Variants in CRISPLD2 observed in about 807,000 individuals in gnomAD.
CRISPLD2 encodes cysteine rich secretory protein LCCL domain containing 2.
Under a neutral mutation model 71.1 loss-of-function variants are expected in CRISPLD2, and 47 were observed. That is an observed-to-expected ratio of 0.66 (90% CI 0.52 to 0.84). CRISPLD2 has a LOEUF of 0.84. Among genes scored for constraint, CRISPLD2 ranks in the 40% least tolerant of loss-of-function variants. CRISPLD2 has a pLI of 0.00. For missense variants in CRISPLD2, 830 were observed against 651.1 expected (o/e 1.27, Z -2.99); for synonymous variants, 317 against 250.1 (o/e 1.27, Z -2.52).
At chr16:84,900,344 G>A (rs2071742330) in intron 14 of CRISPLD2, among the ~76,000 whole-genome samples, 1 of 152,142 alleles carries the variant, frequency 6.6e-6, no homozygotes, top group African/African-American at 2.4e-5. Context: ...GGCTAGTCTG[G>A]CAGTTTCCAA....
At chr16:84,866,467 C>T (rs1037698173) in intron 6 of CRISPLD2, among the ~76,000 whole-genome samples, 2 of 152,150 alleles carry the variant, frequency 1.3e-5, no homozygotes, top group African/African-American at 4.8e-5. Flanking sequence ...AACTCCTGAC[C>T]TCAGGTGATC....
chr16:84,822,740 G>A (rs566024960), intron 1 of CRISPLD2, among the ~76,000 whole-genome samples: 2 of 152,252 alleles, frequency 1.3e-5, no homozygotes, highest in South Asian at 2.1e-4. Context: ...CCTAAAGCAC[G>A]TTGTAAAGTC....
rs562352989 is a variant in CRISPLD2 at position 84,894,749 on chromosome 16, T to C, written c.1439+5386T>C. Among the ~76,000 whole-genome samples, 5 of 152,278 alleles carry C rather than the reference T, an allele frequency of 3.3e-5. 1 individual carries two copies. Among genetic ancestry groups the C allele is most frequent in the African/African-American group, 9.6e-5 (4 of 41,538 alleles). On this transcript the variant is annotated intron_variant, in intron 14 of 14. Coordinates refer to ENST00000262424, the MANE Select transcript of CRISPLD2 (RefSeq NM_031476.4). ...AGAAATAAGAAATTTACATTCTTTT[T>C]TGGGTATAAGGTCTTGGAGATCTGG...
At position 84,849,585 on chromosome 16, in the gene CRISPLD2, G is replaced by A. The variant is rs1917023809; in HGVS notation, c.492+68G>A. ...CCCAGTCATTCACCCCCTGCCCCTG[G>A]GGGATTGTCAAATCTGTAAAGCCTC... On this transcript the variant is annotated intron_variant, in intron 4 of 14. Transcript: ENST00000262424. The A allele has an allele frequency of 2.0e-6, 3 of 1,494,384 alleles. No individual in the cohort carries two copies. The South Asian group carries it at 3.5e-5, about 17-fold the overall frequency. 92.6% of individuals were successfully genotyped at this position (1,494,384 alleles called of 1,614,324 possible). A position where few individuals can be genotyped will look rare whatever the true frequency, so the allele number is the denominator to read the frequency against.
chr16:84,875,414 C>CTTTTTTTTTTTTTTTTTTTTT (rs34028519), intron 11 of CRISPLD2, among the ~76,000 whole-genome samples: 22 of 87,782 alleles, frequency 2.5e-4, no homozygotes, highest in African/African-American at 1.1e-3. Flanking sequence ...TATGCATGGA[C>CTTTTTTTTTTTTTTTTTTTTT]TTTTTTTTTT....
rs371038523 is a variant in CRISPLD2, at chr16:84,845,766, C to T, written c.241-20C>T. 1.9e-5 allele frequency: 29 copies of T among 1,559,006 alleles called. No homozygotes were observed. Among genetic ancestry groups the T allele is most frequent in the African/African-American group, 2.7e-5 (2 of 73,724 alleles). ...TCCCTCACCCTCACCTCCTGGTGCC[C>T]GTTTCTCCTTCTCCTGCAGACCTGG... On this transcript the variant is annotated intron_variant, in intron 2 of 14. Coordinates refer to ENST00000262424, the MANE Select transcript of CRISPLD2 (RefSeq NM_031476.4).
chr16:84,841,509 T>G (rs1237711782), intron 2 of CRISPLD2, among the ~76,000 whole-genome samples: 1 of 151,560 alleles, frequency 6.6e-6, no homozygotes, highest in Non-Finnish European at 1.5e-5. Context: ...CTATGAGGAA[T>G]AGAGTTTTGG....
intron 1 of CRISPLD2, among the ~76,000 whole-genome samples, chr16:84,829,617 G>A (rs759732352): frequency 6.6e-6 from 1 of 152,218 alleles, no homozygotes; most frequent in Non-Finnish European, 1.5e-5. Context: ...GGTCTCAGCT[G>A]AGTGGTGCAG....
intron 12 of CRISPLD2, among the ~76,000 whole-genome samples, chr16:84,879,696 T>G (rs113209963): frequency 0.021 from 3,147 of 151,818 alleles, 107 homozygotes; most frequent in African/African-American, 0.073. Flanking sequence ...CACACACCCT[T>G]TCTCTCTACC....
chr16:84,850,625 ACTGT>A lies in CRISPLD2; in HGVS notation c.554_557del (p.Val185GlyfsTer64), dbSNP rs778486821. ...TGCTGTGAACACCTGCCGGAAGATG[ACTGT>A]CTGGGGAGAAGTTTGGGAGAACGCG... On this transcript the variant is annotated frameshift_variant, in exon 5 of 15. Coordinates refer to ENST00000262424, the MANE Select transcript of CRISPLD2 (RefSeq NM_031476.4). LOFTEE classifies it high-confidence loss of function. 4.3e-6 allele frequency: 7 copies of A among 1,614,128 alleles called. No homozygotes were observed. Among genetic ancestry groups the A allele is most frequent in the Admixed American group, 3.3e-5 (2 of 60,012 alleles).
At chr16:84,876,406 G>A (rs143087140) in intron 11 of CRISPLD2, among the ~76,000 whole-genome samples, 1 of 152,184 alleles carries the variant, frequency 6.6e-6, no homozygotes, top group African/African-American at 2.4e-5. Flanking sequence ...GGAGGTTGAG[G>A]CAGGAGAATT....
intron 10 of CRISPLD2, 32 bp from the exon 11 acceptor site, chr16:84,873,888 T>C: frequency 6.6e-7 from 1 of 1,523,754 alleles, no homozygotes. Context: ...ATTTACCTAA[T>C]GCCCGTTTTT....
In CRISPLD2 at chr16:84,871,496, G is replaced by A. The variant is rs572894232; in HGVS notation, c.915-946G>A. Among the ~76,000 whole-genome samples the A allele has an allele frequency of 9.9e-5, 15 of 152,262 alleles. No individual in the cohort carries two copies. In the East Asian group the frequency reaches 2.5e-3, roughly 25 times the overall value. ...TGAGGCTACAGTGAGCTGTGATTGCGCTGCTGCACTCCAGCCTGCGTGATG... is the reference window on the plus strand; with the variant it reads ...TGAGGCTACAGTGAGCTGTGATTGCACTGCTGCACTCCAGCCTGCGTGATG... On this transcript the variant is annotated intron_variant, in intron 8 of 14. Coordinates refer to ENST00000262424, the MANE Select transcript of CRISPLD2 (RefSeq NM_031476.4).
rs367832122 is a variant in CRISPLD2 at position 84,877,441 on chromosome 16, A to G, written c.1160A>G (p.Gln387Arg). 1.4e-5 allele frequency: 22 copies of G among 1,613,608 alleles called. No homozygotes were observed. In the South Asian group the frequency reaches 1.6e-4, roughly 12 times the overall value. Residue 387 changes from glutamine to arginine, a missense_variant, in exon 12 of 15, where the codon CAG becomes CGG. Transcript: ENST00000262424. ...SSFMVSKVKV[Q>R]DLDCYTTVAQ... ...TCCCCCTTGCTCCTGTTCACAGTGC[A>G]GGATTTGGACTGCTACACGACCGTT...
chr16:84,878,564 G>A lies in CRISPLD2; in HGVS notation c.1229+1054G>A, dbSNP rs555663381. 4.6e-5 allele frequency among the ~76,000 whole-genome samples: 7 copies of A among 152,308 alleles called. No homozygotes were observed. In the East Asian group the frequency reaches 1.3e-3, roughly 29 times the overall value. On this transcript the variant is annotated intron_variant, in intron 12 of 14. Coordinates refer to ENST00000262424, the MANE Select transcript of CRISPLD2 (RefSeq NM_031476.4). Reference sequence around the variant, plus strand: ...TTCCATTCTGTGGATACGTGACAACGGGTTTGTCCCAGGAATCGGTTCTAC... The same window carrying A: ...TTCCATTCTGTGGATACGTGACAACAGGTTTGTCCCAGGAATCGGTTCTAC...
Position 84,861,975 on chromosome 16 carries a change from A to G in CRISPLD2, c.710-4922A>G, listed in dbSNP as rs116665992. Among the ~76,000 whole-genome samples, 1,179 of 152,248 alleles carry G rather than the reference A, an allele frequency of 7.7e-3. 12 individuals are homozygous for G. The highest frequency in any genetic ancestry group is 0.026 in the African/African-American group (1,084 of 41,524). The stretch of plus-strand genomic sequence containing the variant: ...TTGAACAAGAAAGTAAAAGCAAACA[A>G]CGTGATATTCCAAATGAGCTCACTA... On this transcript the variant is annotated intron_variant, in intron 6 of 14. Coordinates refer to ENST00000262424, the MANE Select transcript of CRISPLD2 (RefSeq NM_031476.4).
rs1422071922 is a variant in CRISPLD2, at chr16:84,908,058, G to A, written c.*1416G>A. ...ATTTGATTCAAAATATTTCTTAGGT[G>A]AAAGAACTAGCAGAAAGTCAAAAAC... On this transcript the variant is annotated 3_prime_UTR_variant, in exon 15 of 15. Coordinates refer to ENST00000262424, the MANE Select transcript of CRISPLD2 (RefSeq NM_031476.4). 2.0e-5 allele frequency: 3 copies of A among 152,332 alleles called. No homozygotes were observed. The highest frequency in any genetic ancestry group is 4.8e-5 in the African/African-American group (2 of 41,564). 9.4% of individuals were successfully genotyped at this position (152,332 alleles called of 1,614,324 possible). A position where few individuals can be genotyped will look rare whatever the true frequency, so the allele number is the denominator to read the frequency against.
chr16:84,867,841 G>A (rs533214808), intron 7 of CRISPLD2, among the ~76,000 whole-genome samples: 1 of 152,252 alleles, frequency 6.6e-6, no homozygotes, highest in South Asian at 2.1e-4. Context: ...GGCTCCCTGG[G>A]CACCTCAGCT....
In CRISPLD2 at chr16:84,837,552, G is replaced by A. The variant is rs769567806; in HGVS notation, c.-74-870G>A. ...CCGCCTCAGCCTCCCAAGTAGCTGGGACTACAGGCGCGTGACACCACGCCC... is the reference window on the plus strand; with the variant it reads ...CCGCCTCAGCCTCCCAAGTAGCTGGAACTACAGGCGCGTGACACCACGCCC... On this transcript the variant is annotated intron_variant, in intron 1 of 14. Transcript: ENST00000262424. Among the ~76,000 whole-genome samples the A allele has an allele frequency of 6.5e-4, 99 of 152,120 alleles. No homozygotes were observed. The Middle Eastern group carries it at 0.01, about 16-fold the overall frequency.
Sources: gnomAD v4.1 joint callset for allele counts (sites outside exome capture counted in the v4.1 genomes callset) on GRCh38, gnomAD v4.1.1 for gene constraint, MANE v1.5 for transcripts, NCBI Gene and HGNC (gene_info 2026-07-23, HGNC 2026-07-21) for gene names.